The following MOB3B variants were observed in gnomAD, a reference collection of about 807,000 sequenced individuals.
MOB3B encodes the protein MOB kinase activator-like 2B.
Under a neutral mutation model 18.7 loss-of-function variants are expected in MOB3B, and 7 were observed. The observed-to-expected ratio is 0.37, with a 90% CI of 0.21 to 0.70. MOB3B has a LOEUF of 0.70. Ranked by LOEUF, MOB3B falls within the 30% of genes least tolerant of loss-of-function variation. MOB3B has a pLI of 0.52. For missense variants in MOB3B, 253 were observed against 281.3 expected (o/e 0.90, Z 0.72); for synonymous variants, 111 against 99.9 (o/e 1.11, Z -0.66).
At chr9:27,440,336 T>C (rs1563869158) in intron 2 of MOB3B, among the ~76,000 whole-genome samples, 1 of 152,170 alleles carries the variant, frequency 6.6e-6, no homozygotes, top group East Asian at 1.9e-4. Flanking sequence ...AGCAGAGTCA[T>C]AGATAATAAT....
intron 1 of MOB3B, among the ~76,000 whole-genome samples, chr9:27,482,497 G>T (rs1819675730): frequency 6.6e-6 from 1 of 152,192 alleles, no homozygotes; most frequent in Non-Finnish European, 1.5e-5. Flanking sequence ...TTCACCTTAA[G>T]TTACTCTTTG....
chr9:27,435,912 T>C (rs1822493493), intron 2 of MOB3B, among the ~76,000 whole-genome samples: 1 of 152,158 alleles, frequency 6.6e-6, no homozygotes, highest in Non-Finnish European at 1.5e-5. Flanking sequence ...AGACCAGAGT[T>C]CTTTCTAAGA....
At chr9:27,394,730 T>C (rs1009801344) in intron 2 of MOB3B, among the ~76,000 whole-genome samples, 2 of 152,208 alleles carry the variant, frequency 1.3e-5, no homozygotes, top group African/African-American at 4.8e-5. Context: ...TAACTTTAGA[T>C]TAACCACAGC....
chr9:27,453,375 G>A (rs1488401190), intron 2 of MOB3B, among the ~76,000 whole-genome samples: 4 of 152,162 alleles, frequency 2.6e-5, no homozygotes, highest in Non-Finnish European at 5.9e-5. Context: ...ATGGGGTAGA[G>A]CTGAAACAGA....
chr9:27,372,245 C>T (rs551684510), intron 2 of MOB3B, among the ~76,000 whole-genome samples: 108 of 152,180 alleles, frequency 7.1e-4, no homozygotes, highest in African/African-American at 2.2e-3. Flanking sequence ...GAAAGAGCTC[C>T]GGAATGGCCC....
chr9:27,526,658 T>C (rs1027534269), intron 1 of MOB3B, among the ~76,000 whole-genome samples: 1 of 152,206 alleles, frequency 6.6e-6, no homozygotes, highest in East Asian at 1.9e-4. Flanking sequence ...CAGAACAGTA[T>C]GCTTTTTTAA....
intron 1 of MOB3B, among the ~76,000 whole-genome samples, chr9:27,463,322 C>T (rs1819323111): frequency 6.6e-6 from 1 of 152,068 alleles, no homozygotes; most frequent in Non-Finnish European, 1.5e-5. Context: ...GAAACTGAGA[C>T]ACAGTGAGAT....
At chr9:27,457,710 C>G (rs1819202443) in intron 1 of MOB3B, among the ~76,000 whole-genome samples, 1 of 151,750 alleles carries the variant, frequency 6.6e-6, no homozygotes, top group Non-Finnish European at 1.5e-5. Flanking sequence ...TTCCTATTCA[C>G]AGGACATTGA....
chr9:27,400,622 A>G (rs556667089), intron 2 of MOB3B, among the ~76,000 whole-genome samples: 1 of 152,356 alleles, frequency 6.6e-6, no homozygotes, highest in South Asian at 2.1e-4. Context: ...GTGGTGATTT[A>G]TTTGTCTAGA....
At chr9:27,456,666 T>C (rs1393998757) in intron 1 of MOB3B, among the ~76,000 whole-genome samples, 4 of 152,152 alleles carry the variant, frequency 2.6e-5, no homozygotes, top group Non-Finnish European at 4.4e-5. Flanking sequence ...CAATGTGCCG[T>C]CCTTTATACC....
At position 27,359,142 on chromosome 9, in the gene MOB3B, G is replaced by T; in HGVS notation, c.513C>A (p.Asp171Glu). Reference sequence around the variant, plus strand: ...CCTCTGCACCCATCACAATGACCCGGTCGAAGTGGTGGATATAGACGTGGA... The same window carrying T: ...CCTCTGCACCCATCACAATGACCCGTTCGAAGTGGTGGATATAGACGTGGA... ...VFVHVYIHHFDRVIVMGAEAH... is the reference protein window; with the variant it reads ...VFVHVYIHHFERVIVMGAEAH... Residue 171 changes from aspartate (D) to glutamate (E), a missense_variant, in exon 3 of 4, where the codon GAC (aspartate) becomes GAA (glutamate). By Grantham distance (45) the Asp-to-Glu change is conservative. Coordinates refer to ENST00000262244, the MANE Select transcript of MOB3B (RefSeq NM_024761.5). The T allele has an allele frequency of 6.2e-7, 1 of 1,614,156 alleles. No individual in the cohort carries two copies. The highest frequency in any genetic ancestry group is 8.5e-7 in the Non-Finnish European group (1 of 1,180,040).
At chr9:27,522,929 T>TATATATA (rs60042853) in intron 1 of MOB3B, among the ~76,000 whole-genome samples, 13 of 151,310 alleles carry the variant, frequency 8.6e-5, no homozygotes, top group African/African-American at 3.1e-4. Flanking sequence ...ATATATATAT[T>TATATATA]TTTTTCCGTA....
intron 1 of MOB3B, among the ~76,000 whole-genome samples, chr9:27,481,880 A>G (rs1413689133): frequency 1.3e-5 from 2 of 152,190 alleles, no homozygotes; most frequent in African/African-American, 4.8e-5. Flanking sequence ...CCAATGTCAC[A>G]TATGTTAACT....
chr9:27,425,686 T>C (rs1822317828), intron 2 of MOB3B, among the ~76,000 whole-genome samples: 1 of 152,212 alleles, frequency 6.6e-6, no homozygotes, highest in South Asian at 2.1e-4. Flanking sequence ...CCTATATTTA[T>C]AACCCAAAGT....
chr9:27,386,794 T>C (rs1327304419), intron 2 of MOB3B, among the ~76,000 whole-genome samples: 1 of 152,202 alleles, frequency 6.6e-6, no homozygotes, highest in Non-Finnish European at 1.5e-5. Context: ...GCAATCAAAG[T>C]ATCAGCTCAC....
rs1563889734 is a variant in MOB3B, at chr9:27,522,258, A to AG, written c.-199+7296_-199+7297insC. Among the ~76,000 whole-genome samples the AG allele has an allele frequency of 4.1e-5, 6 of 144,962 alleles. No individual in the cohort carries two copies. In the East Asian group the frequency reaches 1.2e-3, roughly 28 times the overall value. On this transcript the variant is annotated intron_variant, in intron 1 of 3. Coordinates refer to ENST00000262244, the MANE Select transcript of MOB3B (RefSeq NM_024761.5). ...CCCGTCTCACAAAAAAAAAAAAAAA[A>AG]AAAAAAAAGAAAAGAAAGAAAGAAA... is the stretch of plus-strand genomic sequence containing the variant.
At chr9:27,438,296 C>T (rs1822543235) in intron 2 of MOB3B, among the ~76,000 whole-genome samples, 1 of 152,190 alleles carries the variant, frequency 6.6e-6, no homozygotes, top group South Asian at 2.1e-4. Context: ...AAGCCCTGTT[C>T]CTACCCAGGT....
chr9:27,354,291 T>A (rs778909137), intron 3 of MOB3B, among the ~76,000 whole-genome samples: 31 of 151,940 alleles, frequency 2.0e-4, no homozygotes, highest in Admixed American at 4.6e-4. Context: ...ACACCAAGAG[T>A]TTTCCTAGGA....
Position 27,397,338 on chromosome 9 carries a change from T to A in MOB3B, c.419-38102A>T, listed in dbSNP as rs1230515214. ...AAAAAAGATCATCAAGATTGCTATA[T>A]TAACAGCCCCTTTTAATATAAGGCT... On this transcript the variant is annotated intron_variant, in intron 2 of 3. Coordinates refer to ENST00000262244, the MANE Select transcript of MOB3B (RefSeq NM_024761.5). The A allele has an allele frequency of 2.6e-5, 4 of 152,084 alleles. 1 individual carries two copies. The highest frequency in any genetic ancestry group is 9.7e-5 in the African/African-American group (4 of 41,436). The allele number at this position is 152,084 out of a possible 1,614,324, so 9.4% of individuals were successfully genotyped here.
Sources: gnomAD v4.1 joint callset for allele counts (sites outside exome capture counted in the v4.1 genomes callset) on GRCh38, gnomAD v4.1.1 for gene constraint, MANE v1.5 for transcripts, NCBI Gene and HGNC (gene_info 2026-07-23, HGNC 2026-07-21) for gene names.